Variants in ZNF605 observed in about 807,000 individuals in gnomAD.
The protein encoded by ZNF605 is zinc finger protein 605.
In ZNF605, 9 loss-of-function variants were observed where a neutral mutation model predicts 7.9. The observed-to-expected ratio is 1.14, with a 90% CI of 0.68 to 1.98. ZNF605 has a LOEUF of 1.98. Ranked by LOEUF, ZNF605 falls within the 30% of genes most tolerant of loss-of-function variation. The pLI is 0.00. For missense variants in ZNF605, 673 were observed against 762.4 expected (o/e 0.88, Z 1.38); for synonymous variants, 255 against 260.1 (o/e 0.98, Z 0.19).
chr12:132,946,094 A>G (rs1952492177), intron 2 of ZNF605, among the ~76,000 whole-genome samples: 1 of 152,190 alleles, frequency 6.6e-6, no homozygotes, highest in South Asian at 2.1e-4. Flanking sequence ...AGACACCTCC[A>G]GAGGAGCACC....
intron 4 of ZNF605, among the ~76,000 whole-genome samples, chr12:132,931,354 G>A (rs1055439632): frequency 2.0e-5 from 3 of 152,016 alleles, no homozygotes; most frequent in Non-Finnish European, 4.4e-5. Flanking sequence ...TACGTTACTG[G>A]CAATCTCTCT....
chr12:132,928,306 T>C (rs771706399), intron 4 of ZNF605, among the ~76,000 whole-genome samples: 1,865 of 152,312 alleles, frequency 0.012, 19 homozygotes, highest in Non-Finnish European at 0.019. Context: ...ATTGCATTTA[T>C]AAAATATTCT....
intron 4 of ZNF605, among the ~76,000 whole-genome samples, chr12:132,929,924 A>G (rs1952290104): frequency 6.6e-6 from 1 of 152,270 alleles, no homozygotes; most frequent in Non-Finnish European, 1.5e-5. Context: ...CAGCGTGCCA[A>G]CAGAGCGAGA....
rs1952237657 is a variant in ZNF605 at position 132,925,475 on chromosome 12, C to G, written c.1824G>C (p.Gln608His). 1 of 1,614,046 alleles carries G rather than the reference C, an allele frequency of 6.2e-7. No individual in the cohort carries two copies. The highest frequency in any genetic ancestry group is 1.1e-5 in the South Asian group (1 of 91,088). ...AGTATTTATCTCCTGTATGAATCCT[C>G]TGATGCCTCATAAGGTGTGACTTTC... ...FTRKSHLMRH[Q>H]RIHTGDKYYG... Residue 608 changes from glutamine to histidine, a missense_variant, in exon 5 of 5, where the codon CAG becomes CAC. By Grantham distance (24) the Gln-to-His change is conservative. Coordinates refer to ENST00000360187, the MANE Select transcript of ZNF605 (RefSeq NM_183238.4).
rs1164821624 is a variant in ZNF605 at position 132,926,187 on chromosome 12, C to G, written c.1112G>C (p.Gly371Ala). The G allele has an allele frequency of 4.3e-6, 7 of 1,614,044 alleles. No homozygotes were observed. The African/African-American group carries it at 9.3e-5, about 22-fold the overall frequency. The change falls in exon 5 of 5, where the codon GGT becomes GCT. Residue 371 changes from glycine to alanine, a missense_variant. Coordinates refer to ENST00000360187, the MANE Select transcript of ZNF605 (RefSeq NM_183238.4). ...CTGTGGTTTTCTGATGAAGGCTTCACCACATTCGTTGCATTCGTAGGGCTT... is the reference window on the plus strand; with the variant it reads ...CTGTGGTTTTCTGATGAAGGCTTCAGCACATTCGTTGCATTCGTAGGGCTT... ...GEKPYECNEC[G>A]EAFIRKPQLI...
At position 132,918,666 on chromosome 12, in the gene ZNF605, C is replaced by T. The variant is rs1009644564; in HGVS notation, c.*6707G>A. The T allele has an allele frequency of 2.0e-5, 3 of 152,280 alleles. No homozygotes were observed. The highest frequency in any genetic ancestry group is 7.2e-5 in the African/African-American group (3 of 41,462). The allele number at this position is 152,280 out of a possible 1,614,324, so 9.4% of individuals were successfully genotyped here. A position where few individuals can be genotyped will look rare whatever the true frequency, so the allele number is the denominator to read the frequency against. On this transcript the variant is annotated 3_prime_UTR_variant, in exon 5 of 5. Transcript: ENST00000360187. ...TGCCATCTTGGCTCACTGCAACCTC[C>T]AACTCCTGGGTTCATGTGATTTGCC...
At position 132,925,196 on chromosome 12, in the gene ZNF605, G is replaced by C; in HGVS notation, c.*177C>G. The C allele has an allele frequency of 1.9e-6, 1 of 532,504 alleles. No individual in the cohort carries two copies. The highest frequency in any genetic ancestry group is 3.3e-6 in the Non-Finnish European group (1 of 307,538). The allele number at this position is 532,504 out of a possible 1,614,324, so 33.0% of individuals were successfully genotyped here. A position where few individuals can be genotyped will look rare whatever the true frequency, so the allele number is the denominator to read the frequency against. ...TCTGGGAGATGACTTTTTTTACACT[G>C]TTTGCTTTTTAAAAACTTCTCTTTC... is the stretch of plus-strand genomic sequence containing the variant. On this transcript the variant is annotated 3_prime_UTR_variant, in exon 5 of 5. Coordinates refer to ENST00000360187, the MANE Select transcript of ZNF605 (RefSeq NM_183238.4).
intron 4 of ZNF605, among the ~76,000 whole-genome samples, chr12:132,927,557 G>A (rs1485859167): frequency 6.6e-6 from 1 of 151,910 alleles, no homozygotes; most frequent in African/African-American, 2.4e-5. Context: ...ATAGAGACGG[G>A]GTTTCACCGT....
rs1285255083 is a variant in ZNF605 at position 132,926,147 on chromosome 12, C to T, written c.1152G>A (p.Gln384=). The T allele has an allele frequency of 4.3e-6, 7 of 1,614,078 alleles. No homozygotes were observed. Among genetic ancestry groups the T allele is most frequent in the Admixed American group, 1.7e-5 (1 of 60,000 alleles). ...AGTTCTTCTCTCCTGTGTGAGTTAT[C>T]TGATGTTTAATCAGCTGTGGTTTTC... ...FIRKPQLIKH[Q]ITHTGEKNYR... The change falls in exon 5 of 5, where the codon CAG becomes CAA. Residue 384 remains glutamine, a synonymous_variant. Coordinates refer to ENST00000360187, the MANE Select transcript of ZNF605 (RefSeq NM_183238.4).
chr12:132,950,470 CAG>C (rs1555280384), intron 1 of ZNF605, among the ~76,000 whole-genome samples: 2 of 151,670 alleles, frequency 1.3e-5, no homozygotes, highest in Non-Finnish European at 2.9e-5. Flanking sequence ...TACAGACACA[CAG>C]ACATGCACAC....
intron 3 of ZNF605, among the ~76,000 whole-genome samples, chr12:132,937,957 C>T (rs2137141281): frequency 6.6e-6 from 1 of 151,852 alleles, no homozygotes; most frequent in South Asian, 2.1e-4. Context: ...GTCAAAAGGT[C>T]ACATATGTGA....
chr12:132,932,582 T>C (rs1327144621), intron 4 of ZNF605: 1 of 605,302 alleles, frequency 1.7e-6, no homozygotes, highest in Non-Finnish European at 2.8e-6. Context: ...ATGTCACCAA[T>C]CTTGAGTCAA....
At chr12:132,955,563 C>T (rs1952628020) in intron 1 of ZNF605, among the ~76,000 whole-genome samples, 1 of 152,052 alleles carries the variant, frequency 6.6e-6, no homozygotes, top group Non-Finnish European at 1.5e-5. Flanking sequence ...TGCAGTGAGC[C>T]ATTTGCTGGA....
chr12:132,952,605 C>T (rs1425854420), intron 1 of ZNF605, among the ~76,000 whole-genome samples: 1 of 151,764 alleles, frequency 6.6e-6, no homozygotes, highest in African/African-American at 2.4e-5. Flanking sequence ...GGGCCGACCA[C>T]ACCACTCCAG....
In ZNF605 at chr12:132,933,840, A is replaced by C. The variant is rs1439276903; in HGVS notation, c.16-685T>G. Among the ~76,000 whole-genome samples, 1 of 152,218 alleles carries C rather than the reference A, an allele frequency of 6.6e-6. No homozygotes were observed. Among genetic ancestry groups the C allele is most frequent in the African/African-American group, 2.4e-5 (1 of 41,450 alleles). On this transcript the variant is annotated intron_variant, in intron 3 of 4. Coordinates refer to ENST00000360187, the MANE Select transcript of ZNF605 (RefSeq NM_183238.4). This position sits in a 1 kb window ranked among gnomAD's most constrained non-coding sequence, Gnocchi z 4.4. ...AAACCAGAATAGGTTGTCTTTAAAC[A>C]ATACAGTGGTTCTCAAAGAAGGTGC... is the stretch of plus-strand genomic sequence containing the variant.
Position 132,926,280 on chromosome 12 carries a change from C to T in ZNF605, c.1019G>A (p.Gly340Asp). The T allele has an allele frequency of 1.2e-6, 2 of 1,614,016 alleles. No homozygotes were observed. Among genetic ancestry groups the T allele is most frequent in the South Asian group, 1.1e-5 (1 of 91,076 alleles). Residue 340 changes from glycine (G) to aspartate (D), a missense_variant, in exon 5 of 5, where the codon GGT becomes GAT. By Grantham distance (94) the Gly-to-Asp change is moderately conservative (BLOSUM62 -1). Coordinates refer to ENST00000360187, the MANE Select transcript of ZNF605 (RefSeq NM_183238.4). ...CCTGCTGAAGGCTTTTTGACACTCA[C>T]CACATCCGTAAGGTTTCTTCCCTGT... ...THTGKKPYGC[G>D]ECQKAFSRNS...
At chr12:132,945,312 T>A in intron 3 of ZNF605, 1 of 1,002,482 alleles carries the variant, frequency 1.0e-6, no homozygotes, top group Non-Finnish European at 1.6e-6. Context: ...TTTGGACATC[T>A]TCTTTCCCAA....
Position 132,933,022 on chromosome 12 carries a change from A to G in ZNF605, c.136+13T>C. ...TACTGGCCATACACTAAGTTACATA[A>G]GAATGTTCTTACCCAAGAAAACCAG... On this transcript the variant is annotated intron_variant, in intron 4 of 4. Transcript: ENST00000360187. This position sits in a 1 kb window ranked among gnomAD's most constrained non-coding sequence, Gnocchi z 4.4. 3.8e-6 allele frequency: 6 copies of G among 1,574,464 alleles called. No individual in the cohort carries two copies. The highest frequency in any genetic ancestry group is 5.2e-6 in the Non-Finnish European group (6 of 1,158,236).
chr12:132,953,568 A>G (rs1008844843), intron 1 of ZNF605, among the ~76,000 whole-genome samples: 1 of 152,220 alleles, frequency 6.6e-6, no homozygotes, highest in African/African-American at 2.4e-5. Context: ...GTGGGATTAC[A>G]GGCGCCCACC....
Sources: gnomAD v4.1 joint callset for allele counts (sites outside exome capture counted in the v4.1 genomes callset) on GRCh38, gnomAD v4.1.1 for gene constraint, Gnocchi (gnomAD v3.1) non-coding constraint, MANE v1.5 for transcripts, NCBI Gene and HGNC (gene_info 2026-07-23, HGNC 2026-07-21) for gene names.